Variants in ADARB2 observed in about 807,000 individuals in gnomAD.
The protein encoded by ADARB2 is inactive double-stranded RNA-specific editase B2.
In ADARB2, 25 loss-of-function variants were observed where a neutral mutation model predicts 62.2. The observed-to-expected ratio is 0.40, with a 90% CI of 0.29 to 0.56. The LOEUF (loss-of-function observed/expected upper bound fraction) is 0.56, where lower values mean the gene tolerates loss of function less well. ADARB2 is among the 20% of genes least tolerant of loss of function. ADARB2 has a pLI of 0.43. For missense variants in ADARB2, 1,071 were observed against 1,077.4 expected (o/e 0.99, Z 0.08); for synonymous variants, 572 against 500.8 (o/e 1.14, Z -1.90).
At chr10:1,405,690 C>T (rs1832701870) in intron 1 of ADARB2, among the ~76,000 whole-genome samples, 1 of 151,868 alleles carries the variant, frequency 6.6e-6, no homozygotes, top group African/African-American at 2.4e-5. Flanking sequence ...CAGAATCCAC[C>T]CACATCTTTA....
At chr10:1,498,375 CAAAT>C (rs146551454) in intron 1 of ADARB2, among the ~76,000 whole-genome samples, 50,965 of 146,994 alleles carry the variant, frequency 0.35, 9,417 homozygotes, top group Admixed American at 0.47. Flanking sequence ...AACTCTGTCT[CAAAT>C]AAATAAATAA....
At chr10:1,328,996 TAAAAAAAAAAAA>T (rs376461606) in intron 3 of ADARB2, among the ~76,000 whole-genome samples, 1 of 75,678 alleles carries the variant, frequency 1.3e-5, no homozygotes, top group African/African-American at 5.8e-5. Flanking sequence ...GACCCTGTCT[TAAAAAAAAAAAA>T]AAAAAAAAAA....
In ADARB2 at chr10:1,702,028, GGA is replaced by G. The variant is rs1295361941; in HGVS notation, c.100+35021_100+35022del. ...AAAGAAAGACAAAGAGAAAGAAGTG[GGA>G]GAGAGAGTCATGCTCAGAGTTCACC... is the stretch of plus-strand genomic sequence containing the variant. On this transcript the variant is annotated intron_variant, in intron 1 of 9. Coordinates refer to ENST00000381312, the MANE Select transcript of ADARB2 (RefSeq NM_018702.4). 2.0e-5 allele frequency among the ~76,000 whole-genome samples: 3 copies of G among 152,246 alleles called. No homozygotes were observed. The East Asian group carries it at 5.8e-4, about 29-fold the overall frequency.
At chr10:1,401,550 ACTTGGATCCC>A (rs1219197070) in intron 1 of ADARB2, among the ~76,000 whole-genome samples, 1 of 152,180 alleles carries the variant, frequency 6.6e-6, no homozygotes, top group Admixed American at 6.5e-5. Context: ...ATCCTCTGAC[ACTTGGATCCC>A]CATGGATTCA....
chr10:1,709,482 A>G (rs781396370), intron 1 of ADARB2, among the ~76,000 whole-genome samples: 4 of 152,210 alleles, frequency 2.6e-5, no homozygotes, highest in South Asian at 4.1e-4. Flanking sequence ...GGTTTGTGCA[A>G]TGTTTGTTAG....
intron 1 of ADARB2, among the ~76,000 whole-genome samples, chr10:1,690,971 G>T (rs529014040): frequency 6.6e-6 from 1 of 152,104 alleles, no homozygotes; most frequent in African/African-American, 2.4e-5. Context: ...TCAACCCCAC[G>T]CTGTGCCCCT....
intron 1 of ADARB2, among the ~76,000 whole-genome samples, chr10:1,411,687 G>A (rs1832761114): frequency 6.6e-6 from 1 of 152,128 alleles, no homozygotes; most frequent in Admixed American, 6.5e-5. Flanking sequence ...TGTGTCGGGT[G>A]TGAGCTCCGC....
intron 4 of ADARB2, among the ~76,000 whole-genome samples, chr10:1,263,711 G>A (rs1471317954): frequency 6.6e-6 from 1 of 152,188 alleles, no homozygotes; most frequent in Non-Finnish European, 1.5e-5. Flanking sequence ...TGGGATAAAT[G>A]AAGGCATTTG....
intron 3 of ADARB2, among the ~76,000 whole-genome samples, chr10:1,284,050 C>T (rs2131806542): frequency 6.6e-6 from 1 of 152,298 alleles, no homozygotes; most frequent in Admixed American, 6.5e-5. Flanking sequence ...CCACTCACTA[C>T]AGGAGAGTGT....
chr10:1,441,296 A>G (rs969376119), intron 1 of ADARB2, among the ~76,000 whole-genome samples: 8 of 152,248 alleles, frequency 5.3e-5, no homozygotes, highest in African/African-American at 1.9e-4. Flanking sequence ...TGGAAAAGCA[A>G]TATTCCTATC....
At chr10:1,556,456 C>A (rs968758123) in intron 1 of ADARB2, among the ~76,000 whole-genome samples, 1 of 152,110 alleles carries the variant, frequency 6.6e-6, no homozygotes, top group Non-Finnish European at 1.5e-5. Flanking sequence ...ACGTCTTCCT[C>A]CTTGTCTCTA....
chr10:1,283,772 C>G (rs1831389788), intron 3 of ADARB2, among the ~76,000 whole-genome samples: 1 of 152,174 alleles, frequency 6.6e-6, no homozygotes, highest in Admixed American at 6.5e-5. Context: ...CAGATACTTG[C>G]AGGAGGAAGA....
chr10:1,657,369 A>C (rs1435205174), intron 1 of ADARB2, among the ~76,000 whole-genome samples: 1 of 151,098 alleles, frequency 6.6e-6, no homozygotes, highest in African/African-American at 2.4e-5. Flanking sequence ...GGAGTAACTC[A>C]AGGAATTTGA....
chr10:1,564,782 A>AT (rs201717314), intron 1 of ADARB2, among the ~76,000 whole-genome samples: 45,024 of 105,696 alleles, frequency 0.43, 7,458 homozygotes, highest in East Asian at 0.62. Context: ...TACTTTTATT[A>AT]CCTTTTTTTT....
Position 1,184,997 on chromosome 10 carries a change from G to T in ADARB2, c.1907C>A (p.Pro636His), listed in dbSNP as rs201553265. The part of the protein sequence containing the change: ...AEARQPGKSP[P>H]FSMNWVVGSA... ...GCCCACGACCCAGTTCATGCTGAAG[G>T]GGGGCGACTTCCCCGGCTGGCGCGC... Residue 636 changes from proline (P) to histidine (H), a missense_variant, in exon 9 of 10, where the codon CCC becomes CAC. Transcript: ENST00000381312. 3 of 1,613,568 alleles carry T rather than the reference G, an allele frequency of 1.9e-6. No individual in the cohort carries two copies. Among genetic ancestry groups the T allele is most frequent in the East Asian group, 2.2e-5 (1 of 44,876 alleles).
At chr10:1,600,084 A>G (rs946222825) in intron 1 of ADARB2, among the ~76,000 whole-genome samples, 13 of 152,080 alleles carry the variant, frequency 8.5e-5, no homozygotes, top group African/African-American at 3.1e-4. Flanking sequence ...TCTACTTTTT[A>G]AAAAGTCATG....
At chr10:1,632,942 T>C (rs1833861049) in intron 1 of ADARB2, among the ~76,000 whole-genome samples, 1 of 152,190 alleles carries the variant, frequency 6.6e-6, no homozygotes, top group South Asian at 2.1e-4. Context: ...CAAGAAGCTC[T>C]GCCCTTGTCC....
intron 1 of ADARB2, among the ~76,000 whole-genome samples, chr10:1,446,990 A>G (rs1830978833): frequency 6.6e-6 from 1 of 152,232 alleles, no homozygotes; most frequent in Non-Finnish European, 1.5e-5. Flanking sequence ...CATTTAGGAA[A>G]TATTTGAAAA....
chr10:1,337,908 T>G (rs1831989219), intron 3 of ADARB2, among the ~76,000 whole-genome samples: 1 of 152,194 alleles, frequency 6.6e-6, no homozygotes, highest in Non-Finnish European at 1.5e-5. Context: ...AGCCCAGCCT[T>G]CTTCACCTCG....
Sources: gnomAD v4.1 joint callset for allele counts (sites outside exome capture counted in the v4.1 genomes callset) on GRCh38, gnomAD v4.1.1 for gene constraint, MANE v1.5 for transcripts, NCBI Gene and HGNC (gene_info 2026-07-23, HGNC 2026-07-21) for gene names.